Variants in BRWD3 observed in about 807,000 individuals in gnomAD.
BRWD3 encodes bromodomain and WD repeat-containing protein 3.
A neutral mutation model predicts 149.7 loss-of-function variants in BRWD3; 10 were observed. The observed-to-expected ratio is 0.07, with a 90% CI of 0.04 to 0.11. The LOEUF (loss-of-function observed/expected upper bound fraction) is 0.11, where lower values mean the gene tolerates loss of function less well. BRWD3 is among the 10% of genes least tolerant of loss of function. BRWD3 has a pLI of 1.00. For missense variants in BRWD3, 940 were observed against 1,373.2 expected (o/e 0.68, Z 4.99); for synonymous variants, 504 against 456.7 (o/e 1.10, Z -1.32).
Position 80,717,755 on chromosome X carries a change from C to G in BRWD3, c.2049G>C (p.Leu683=). 3 of 1,210,143 alleles carry G rather than the reference C, an allele frequency of 2.5e-6. No individual in the cohort carries two copies. The highest frequency in any genetic ancestry group is 3.4e-6 in the Non-Finnish European group (3 of 894,274). ...AAGATATGTCCATGTTTGGACTTCT[C>G]AGAGCTAAAACAAAAACAAGGAAAA... ...VNRAYSVNGA[L]RSPNMDISSS... is the part of the protein sequence containing the mutation. The change falls in exon 19 of 41, where the codon CTG becomes CTC. Residue 683 remains leucine, a synonymous_variant. Transcript: ENST00000373275.
chrX:80,767,202 TC>T (rs1449131504), intron 6 of BRWD3, among the ~76,000 whole-genome samples: 1 of 112,294 alleles, frequency 8.9e-6, no homozygotes, highest in Non-Finnish European at 1.9e-5. Context: ...GCAGTGGTTC[TC>T]CCAGCACGGC....
chrX:80,711,124 T>C (rs907689749), intron 20 of BRWD3, among the ~76,000 whole-genome samples: 1 of 112,178 alleles, frequency 8.9e-6, no homozygotes, highest in Non-Finnish European at 1.9e-5. Context: ...GTATATATAA[T>C]GTGTGTTTAT....
chrX:80,742,159 A>C (rs1028412011), intron 8 of BRWD3, among the ~76,000 whole-genome samples: 5 of 108,375 alleles, frequency 4.6e-5, no homozygotes, highest in Non-Finnish European at 9.8e-5. Flanking sequence ...ACCATTTATT[A>C]AATAGGGAAT....
chrX:80,711,341 T>C (rs1220601652), intron 20 of BRWD3, among the ~76,000 whole-genome samples: 2 of 111,850 alleles, frequency 1.8e-5, no homozygotes, highest in Admixed American at 1.9e-4. Flanking sequence ...CGACAAAGTC[T>C]CATCAGAGGG....
At chrX:80,745,351 A>G (rs2073577467) in intron 7 of BRWD3, among the ~76,000 whole-genome samples, 2 of 111,841 alleles carry the variant, frequency 1.8e-5, no homozygotes, top group African/African-American at 6.5e-5. Flanking sequence ...TGAAGATTTA[A>G]CTTTTTAAAA....
chrX:80,729,150 G>A (rs1275382006), intron 13 of BRWD3, among the ~76,000 whole-genome samples: 1 of 111,404 alleles, frequency 9.0e-6, no homozygotes, highest in Non-Finnish European at 1.9e-5. Context: ...ATAGTTCCTT[G>A]AGAACCAAAA....
chrX:80,805,374 A>T (rs758975232), intron 4 of BRWD3, among the ~76,000 whole-genome samples: 2 of 111,750 alleles, frequency 1.8e-5, no homozygotes, highest in African/African-American at 6.5e-5. Flanking sequence ...ACAAAAAGGC[A>T]GGATTTTTGT....
At chrX:80,686,261 GT>G (rs1293944150) in intron 35 of BRWD3, among the ~76,000 whole-genome samples, 1 of 92,674 alleles carries the variant, frequency 1.1e-5, no homozygotes, top group Non-Finnish European at 2.1e-5. Flanking sequence ...ACCGGAGCCT[GT>G]TGGGGGTTGG....
chrX:80,772,071 C>T (rs947617617), intron 6 of BRWD3, among the ~76,000 whole-genome samples: 5 of 111,427 alleles, frequency 4.5e-5, no homozygotes, highest in South Asian at 3.7e-4. Context: ...GATTCCTAAA[C>T]GATCTGGAAC....
Position 80,736,734 on chromosome X carries a change from T to G in BRWD3, c.814-646A>C, listed in dbSNP as rs138216976. ...TTGTCAATACAGAGGACTACTACTATGTCAGAAGGATCAAGGCCTTTATCA... is the reference window on the plus strand; with the variant it reads ...TTGTCAATACAGAGGACTACTACTAGGTCAGAAGGATCAAGGCCTTTATCA... On this transcript the variant is annotated intron_variant, in intron 8 of 40. Coordinates refer to ENST00000373275, the MANE Select transcript of BRWD3 (RefSeq NM_153252.5). Among the ~76,000 whole-genome samples, 558 of 111,060 alleles carry G rather than the reference T, an allele frequency of 5.0e-3. 2 individuals carry two copies. Among genetic ancestry groups the G allele is most frequent in the African/African-American group, 0.017 (528 of 30,582 alleles).
Position 80,677,112 on chromosome X carries a change from C to T in BRWD3, c.4906G>A (p.Val1636Ile), listed in dbSNP as rs151186096. ...TTGCTATAATCATGGTCTCCATCTA[C>T]GTAATCTTGATCTGTTCTGGAAGTT... ...ESTSRTDQDY[V>I]DGDHDYSKFI... Residue 1636 changes from valine to isoleucine, a missense_variant, in exon 41 of 41, where the codon GTA becomes ATA. Physicochemically the swap from Val to Ile is conservative, Grantham distance 29. Coordinates refer to ENST00000373275, the MANE Select transcript of BRWD3 (RefSeq NM_153252.5). The T allele has an allele frequency of 3.8e-5, 46 of 1,209,823 alleles. No individual in the cohort carries two copies. Among genetic ancestry groups the T allele is most frequent in the Non-Finnish European group, 4.6e-5 (41 of 894,817 alleles).
At chrX:80,784,580 G>A (rs897030635) in intron 6 of BRWD3, among the ~76,000 whole-genome samples, 10 of 110,354 alleles carry the variant, frequency 9.1e-5, no homozygotes, top group Non-Finnish European at 1.9e-4. Flanking sequence ...TTGTTCCCCC[G>A]CCCTGTGTCC....
chrX:80,729,967 T>G lies in BRWD3; in HGVS notation c.1181A>C (p.Gln394Pro). Reference protein sequence around the residue: ...RDGTARIWQYQQQEWKSIVLD... With the variant: ...RDGTARIWQYPQQEWKSIVLD... ...CACTATACTCTTCCATTCTTGTTGC[T>G]GATACTGCCAAATTCTTGCCGTTCC... The change falls in exon 13 of 41, where the codon CAG becomes CCG. Residue 394 changes from glutamine to proline, a missense_variant. Transcript: ENST00000373275. 1 of 1,208,785 alleles carries G rather than the reference T, an allele frequency of 8.3e-7. No individual in the cohort carries two copies. Among genetic ancestry groups the G allele is most frequent in the South Asian group, 1.8e-5 (1 of 56,942 alleles).
chrX:80,703,013 C>A (rs140006404), intron 24 of BRWD3, among the ~76,000 whole-genome samples: 3,148 of 111,448 alleles, frequency 0.028, 55 homozygotes, highest in Middle Eastern at 0.075. Context: ...TATGGCTACA[C>A]TCATCAATCA....
chrX:80,724,948 C>A lies in BRWD3; in HGVS notation c.1506G>T (p.Arg502=), dbSNP rs776521839. The A allele has an allele frequency of 1.1e-5, 13 of 1,210,140 alleles. No individual in the cohort carries two copies. Among genetic ancestry groups the A allele is most frequent in the Middle Eastern group, 2.3e-4 (1 of 4,350 alleles). ...IWDLDRGTKI[R]NYFNMIEGQG... Reference sequence around the variant, plus strand: ...TGTCTCTTACCATGTTAAAGTAATTCCGAATTTTGGTCCCCCGGTCAAGGT... The same window carrying A: ...TGTCTCTTACCATGTTAAAGTAATTACGAATTTTGGTCCCCCGGTCAAGGT... The change falls in exon 15 of 41, where the codon CGG becomes CGT. Residue 502 remains arginine (R), a synonymous_variant. Coordinates refer to ENST00000373275, the MANE Select transcript of BRWD3 (RefSeq NM_153252.5).
chrX:80,782,824 G>C (rs944546649), intron 6 of BRWD3, among the ~76,000 whole-genome samples: 1 of 110,445 alleles, frequency 9.1e-6, no homozygotes, highest in Admixed American at 9.8e-5. Context: ...AGCTCACTAG[G>C]AGTTCGTGGC....
chrX:80,739,582 A>C (rs978984749), intron 8 of BRWD3, among the ~76,000 whole-genome samples: 25 of 111,099 alleles, frequency 2.3e-4, no homozygotes, highest in Admixed American at 2.0e-3. Flanking sequence ...AAACAAGCAA[A>C]TGAAACTATG....
intron 25 of BRWD3, among the ~76,000 whole-genome samples, chrX:80,697,355 G>A (rs972500629): frequency 2.7e-5 from 3 of 110,837 alleles, no homozygotes; most frequent in Non-Finnish European, 3.8e-5. Context: ...TGGGGTACAC[G>A]TGCAGGTTTG....
intron 8 of BRWD3, among the ~76,000 whole-genome samples, chrX:80,737,900 A>T (rs2073426442): frequency 8.9e-6 from 1 of 112,325 alleles, no homozygotes; most frequent in African/African-American, 3.2e-5. Flanking sequence ...CAACACACCA[A>T]ATTCAGCTTA....
Sources: gnomAD v4.1 joint callset for allele counts (sites outside exome capture counted in the v4.1 genomes callset) on GRCh38, gnomAD v4.1.1 for gene constraint, MANE v1.5 for transcripts, NCBI Gene and HGNC (gene_info 2026-07-23, HGNC 2026-07-21) for gene names.